Variants in CLEC16A observed in about 807,000 individuals in gnomAD.
CLEC16A encodes protein CLEC16A.
In CLEC16A, 51 loss-of-function variants were observed where a neutral mutation model predicts 109.5. That is an observed-to-expected ratio of 0.47 (90% CI 0.37 to 0.59). CLEC16A has a LOEUF of 0.59. Among genes scored for constraint, CLEC16A ranks in the 20% least tolerant of loss-of-function variants. CLEC16A has a pLI of 0.00. For synonymous variants in CLEC16A, 673 were observed against 564.2 expected, an observed-to-expected ratio of 1.19 and a Z score of -2.73; for missense variants, 1,339 against 1,394.0, an observed-to-expected ratio of 0.96 and a Z score of 0.63.
chr16:11,125,655 C>T (rs1338116884), intron 21 of CLEC16A, among the ~76,000 whole-genome samples: 1 of 152,240 alleles, frequency 6.6e-6, no homozygotes, highest in East Asian at 1.9e-4. Flanking sequence ...TGTCAGGGTC[C>T]TTTACACATG....
chr16:11,005,965 C>CT (rs35514934), intron 11 of CLEC16A, among the ~76,000 whole-genome samples: 3,489 of 147,964 alleles, frequency 0.024, 46 homozygotes, highest in Non-Finnish European at 0.034. Flanking sequence ...CACATGATGA[C>CT]TTTTTTTTTT....
At chr16:11,012,833 T>G (rs957846585) in intron 11 of CLEC16A, among the ~76,000 whole-genome samples, 4 of 152,342 alleles carry the variant, frequency 2.6e-5, no homozygotes, top group African/African-American at 9.6e-5. Context: ...TCATTTATTG[T>G]CATGCATTTG....
In CLEC16A at chr16:11,042,276, G is replaced by A. The variant is rs201006220; in HGVS notation, c.1683G>A (p.Thr561=). 119 of 1,585,294 alleles carry A rather than the reference G, an allele frequency of 7.5e-5. No homozygotes were observed. The highest frequency in any genetic ancestry group is 9.8e-5 in the Non-Finnish European group (114 of 1,166,224). Residue 561 remains threonine, a synonymous_variant, in exon 15 of 24, where the codon ACG becomes ACA. Transcript: ENST00000409790. ...CAGATGGGAAGATCCGGCTGGCGAC[G>A]CTGGAGCTGAGCTGCCTGCTTCTGA... ...AQPDGKIRLA[T]LELSCLLLKQ...
chr16:11,002,936 G>T (rs2044755078), intron 10 of CLEC16A, 138 bp from the exon 11 acceptor site: 1 of 662,540 alleles, frequency 1.5e-6, no homozygotes, highest in East Asian at 2.7e-5. Flanking sequence ...CAGTAAGCAT[G>T]CGAGTGCAGC....
intron 10 of CLEC16A, among the ~76,000 whole-genome samples, chr16:10,994,052 A>G (rs1293710647): frequency 1.3e-5 from 2 of 152,206 alleles, no homozygotes; most frequent in East Asian, 1.9e-4. Flanking sequence ...CGCGGCTGCA[A>G]GAGGCCTGTG....
At chr16:10,991,815 A>C (rs2044033999) in intron 10 of CLEC16A, among the ~76,000 whole-genome samples, 1 of 152,216 alleles carries the variant, frequency 6.6e-6, no homozygotes, top group Non-Finnish European at 1.5e-5. Context: ...TGGGAGCCTG[A>C]GGGCTGCACT....
At chr16:10,959,371 T>A (rs894853838) in intron 2 of CLEC16A, among the ~76,000 whole-genome samples, 1 of 152,152 alleles carries the variant, frequency 6.6e-6, no homozygotes, top group Non-Finnish European at 1.5e-5. Context: ...ACCTAGTTCC[T>A]TTAAGGATCC....
rs2047890920 is a variant in CLEC16A at position 11,050,682 on chromosome 16, G to A, written c.1867-831G>A. On this transcript the variant is annotated intron_variant, in intron 17 of 23. Transcript: ENST00000409790. ...GCTTCGCAGAGGTGGTGTGGAAAGA[G>A]GCCGTCAGCTCTGGCCCAGTGGCCG... 3.3e-5 allele frequency among the ~76,000 whole-genome samples: 5 copies of A among 152,234 alleles called. No individual in the cohort carries two copies. In the South Asian group the frequency reaches 1.0e-3, roughly 31 times the overall value.
At chr16:11,142,129 G>T (rs978263017) in intron 22 of CLEC16A, among the ~76,000 whole-genome samples, 2 of 152,284 alleles carry the variant, frequency 1.3e-5, no homozygotes, top group South Asian at 2.1e-4. Flanking sequence ...CTTACCGGGG[G>T]AGGAGGCTGA....
At chr16:10,966,847 A>C (rs1205263258) in intron 3 of CLEC16A, among the ~76,000 whole-genome samples, 1 of 152,194 alleles carries the variant, frequency 6.6e-6, no homozygotes, top group Non-Finnish European at 1.5e-5. Context: ...GATTATGGGA[A>C]CTACAATTCA....
chr16:11,044,818 C>T (rs1280136499), intron 16 of CLEC16A, among the ~76,000 whole-genome samples: 3 of 150,384 alleles, frequency 2.0e-5, no homozygotes, highest in Non-Finnish European at 3.0e-5. Context: ...TGCAGCTACT[C>T]GGGAGGCTGA....
intron 13 of CLEC16A, chr16:11,026,944 T>C: frequency 8.2e-7 from 1 of 1,219,898 alleles, no homozygotes; most frequent in Non-Finnish European, 1.2e-6. Context: ...CAGACGTCTC[T>C]ATGGTCAAGT....
chr16:10,993,334 A>G (rs1329131416), intron 10 of CLEC16A, among the ~76,000 whole-genome samples: 2 of 152,132 alleles, frequency 1.3e-5, no homozygotes, highest in South Asian at 4.2e-4. Context: ...AGCCATGATC[A>G]CACCACTGCA....
rs974257209 is a variant in CLEC16A, at chr16:10,954,053, T to C, written c.81-3729T>C. ...TATTCAAACAGTCCATAAACATATATGAACAGGCACCCGGTTTCACTACTG... is the reference window on the plus strand; with the variant it reads ...TATTCAAACAGTCCATAAACATATACGAACAGGCACCCGGTTTCACTACTG... On this transcript the variant is annotated intron_variant, in intron 1 of 23. Coordinates refer to ENST00000409790, the MANE Select transcript of CLEC16A (RefSeq NM_015226.3). This position sits in a 1 kb window ranked among gnomAD's most constrained non-coding sequence, Gnocchi z 4.2. 6.6e-6 allele frequency among the ~76,000 whole-genome samples: 1 copy of C among 151,554 alleles called. No homozygotes were observed. The highest frequency in any genetic ancestry group is 1.5e-5 in the Non-Finnish European group (1 of 67,980).
chr16:11,042,104 G>T, intron 14 of CLEC16A, 150 bp from the exon 15 acceptor site: 1 of 604,050 alleles, frequency 1.7e-6, no homozygotes, highest in East Asian at 2.8e-5. Context: ...TGGGCATGGG[G>T]GGTTCCCACT....
At chr16:11,058,792 C>G (rs1171761533) in intron 18 of CLEC16A, among the ~76,000 whole-genome samples, 2 of 152,180 alleles carry the variant, frequency 1.3e-5, no homozygotes, top group East Asian at 3.8e-4. Flanking sequence ...TCTTACCCAC[C>G]TGCTCTGGTC....
chr16:11,015,733 A>G (rs2045706236), intron 11 of CLEC16A, among the ~76,000 whole-genome samples: 1 of 152,252 alleles, frequency 6.6e-6, no homozygotes, highest in Non-Finnish European at 1.5e-5. Flanking sequence ...TAAGCCAGAA[A>G]GGGGACAACT....
intron 19 of CLEC16A, among the ~76,000 whole-genome samples, chr16:11,087,999 T>C (rs541049027): frequency 1.3e-5 from 2 of 152,352 alleles, no homozygotes; most frequent in Non-Finnish European, 2.9e-5. Flanking sequence ...CTCTGCAGCC[T>C]GAGAGTTTCA....
At chr16:11,124,958 A>G (rs577381999) in intron 21 of CLEC16A, among the ~76,000 whole-genome samples, 1 of 152,134 alleles carries the variant, frequency 6.6e-6, no homozygotes. Context: ...GCGTGGTGGC[A>G]TACGCCTGTA....
Sources: allele counts gnomAD v4.1 joint callset (sites outside exome capture counted in the v4.1 genomes callset), GRCh38; gene constraint gnomAD v4.1.1; non-coding constraint Gnocchi (gnomAD v3.1); transcripts MANE v1.5; gene names NCBI Gene and HGNC (gene_info 2026-07-23, HGNC 2026-07-21).